The following DNAJC15 variants were observed in gnomAD, a reference collection of about 807,000 sequenced individuals.
DNAJC15 encodes the protein DnaJ heat shock protein family (Hsp40) member C15, also known as dnaJ homolog subfamily C member 15.
In DNAJC15, 27 loss-of-function variants were observed where a neutral mutation model predicts 22.4. The observed-to-expected ratio is 1.20, with a 90% CI of 0.89 to 1.66. DNAJC15 has a LOEUF of 1.66. Ranked by LOEUF, DNAJC15 falls within the 40% of genes most tolerant of loss-of-function variation. The probability of loss-of-function intolerance (pLI) is 0.00; values close to 1 mark genes in which losing one functional copy is unlikely to be tolerated. For missense variants in DNAJC15, 208 were observed against 187.1 expected, an observed-to-expected ratio of 1.11 and a Z score of -0.65; for synonymous variants, 79 against 63.2, an observed-to-expected ratio of 1.25 and a Z score of -1.19.
In DNAJC15 at chr13:43,107,175, C is replaced by CGAG. The variant is rs754879722; in HGVS notation, c.383-3_383-2insGAG. 2.6e-6 allele frequency: 4 copies of CGAG among 1,562,952 alleles called. No individual in the cohort carries two copies. In the African/African-American group the frequency reaches 5.6e-5, roughly 22 times the overall value. ...TTTAATTCATTTTTCTTTGTTCTCT[C>CGAG]AGGTGGATCTCCTTACGTAGCAGCC... On this transcript the variant is annotated splice_polypyrimidine_tract_variant and splice_region_variant and intron_variant, in intron 5 of 5. Coordinates refer to ENST00000379221, the MANE Select transcript of DNAJC15 (RefSeq NM_013238.3).
At chr13:43,082,859 T>TAC (rs397836348) in intron 4 of DNAJC15, among the ~76,000 whole-genome samples, 4 of 146,816 alleles carry the variant, frequency 2.7e-5, no homozygotes, top group Non-Finnish European at 3.0e-5. Flanking sequence ...TATATATATA[T>TAC]ACACACATAT....
At chr13:43,050,471 T>G (rs1034672963) in intron 1 of DNAJC15, among the ~76,000 whole-genome samples, 2 of 152,028 alleles carry the variant, frequency 1.3e-5, no homozygotes, top group African/African-American at 2.4e-5. Flanking sequence ...AACTTTTCTT[T>G]AGTAGAGACA....
At chr13:43,035,460 A>G (rs1352162965) in intron 1 of DNAJC15, among the ~76,000 whole-genome samples, 2 of 152,202 alleles carry the variant, frequency 1.3e-5, no homozygotes, top group African/African-American at 2.4e-5. Flanking sequence ...GAATTTAACA[A>G]TCACCACCAC....
intron 3 of DNAJC15, among the ~76,000 whole-genome samples, chr13:43,072,753 G>C (rs1355248072): frequency 6.6e-6 from 1 of 152,132 alleles, no homozygotes; most frequent in African/African-American, 2.4e-5. Flanking sequence ...TAGTGGAGAT[G>C]GAGTTTCACC....
intron 5 of DNAJC15, 71 bp downstream of exon 5, chr13:43,085,909 A>T: frequency 7.8e-7 from 1 of 1,278,694 alleles, no homozygotes; most frequent in Non-Finnish European, 1.1e-6. Context: ...GATTAAAGTC[A>T]TATATGATAT....
chr13:43,052,613 A>C (rs2153440309), intron 1 of DNAJC15, among the ~76,000 whole-genome samples: 1 of 152,180 alleles, frequency 6.6e-6, no homozygotes, highest in South Asian at 2.1e-4. Context: ...ACAGGGTTTC[A>C]CCATGTTGGC....
At chr13:43,079,246 C>A (rs191159030) in intron 4 of DNAJC15, among the ~76,000 whole-genome samples, 3 of 151,956 alleles carry the variant, frequency 2.0e-5, no homozygotes, top group African/African-American at 7.2e-5. Context: ...CCATATGTTC[C>A]CTTAGAGCCT....
At chr13:43,044,580 AG>A (rs2040467773) in intron 1 of DNAJC15, among the ~76,000 whole-genome samples, 1 of 152,168 alleles carries the variant, frequency 6.6e-6, no homozygotes, top group Non-Finnish European at 1.5e-5. Flanking sequence ...GACAACTAAA[AG>A]GTCCTTTTAG....
At chr13:43,101,756 C>CCATT (rs2040770198) in intron 5 of DNAJC15, among the ~76,000 whole-genome samples, 1 of 152,084 alleles carries the variant, frequency 6.6e-6, no homozygotes, top group Non-Finnish European at 1.5e-5. Context: ...GTTGCAAATG[C>CCATT]CATTATTTTA....
intron 2 of DNAJC15, among the ~76,000 whole-genome samples, chr13:43,066,252 T>C (rs1296490180): frequency 6.6e-6 from 1 of 152,024 alleles, no homozygotes; most frequent in Non-Finnish European, 1.5e-5. Context: ...AATAGTTCTT[T>C]TTTTTTTCTT....
At chr13:43,036,807 G>A (rs991155271) in intron 1 of DNAJC15, among the ~76,000 whole-genome samples, 1 of 152,268 alleles carries the variant, frequency 6.6e-6, no homozygotes, top group Non-Finnish European at 1.5e-5. Flanking sequence ...GTGGCAGGGG[G>A]CTGGCATGTC....
At chr13:43,037,069 C>G (rs1437778314) in intron 1 of DNAJC15, among the ~76,000 whole-genome samples, 7 of 152,222 alleles carry the variant, frequency 4.6e-5, no homozygotes. Flanking sequence ...TGCCTGTTCC[C>G]AGCTCCCGGC....
chr13:43,044,607 A>G (rs1435568287), intron 1 of DNAJC15, among the ~76,000 whole-genome samples: 3 of 152,098 alleles, frequency 2.0e-5, no homozygotes, highest in African/African-American at 4.8e-5. Flanking sequence ...TTTGGTTGCA[A>G]AGACTTTATT....
chr13:43,051,017 C>T (rs1235266888), intron 1 of DNAJC15, among the ~76,000 whole-genome samples: 1 of 152,116 alleles, frequency 6.6e-6, no homozygotes, highest in African/African-American at 2.4e-5. Context: ...TGTTGCCGCC[C>T]AGGCTGGAGT....
intron 1 of DNAJC15, among the ~76,000 whole-genome samples, chr13:43,062,516 T>C (rs973919557): frequency 6.6e-6 from 1 of 152,124 alleles, no homozygotes; most frequent in African/African-American, 2.4e-5. Flanking sequence ...TCAATACTTA[T>C]TTGTTGAATT....
intron 1 of DNAJC15, among the ~76,000 whole-genome samples, chr13:43,025,831 G>T (rs573425431): frequency 5.5e-4 from 84 of 152,298 alleles, no homozygotes; most frequent in Non-Finnish European, 9.4e-4. Flanking sequence ...TTGAACCCAG[G>T]GGGCAGAGGT....
chr13:43,044,427 G>GT (rs1467685694), intron 1 of DNAJC15, among the ~76,000 whole-genome samples: 1 of 152,152 alleles, frequency 6.6e-6, no homozygotes, highest in Admixed American at 6.5e-5. Context: ...TTGTTAGAAA[G>GT]TAAGTCCAAA....
At chr13:43,102,056 G>T (rs2040771916) in intron 5 of DNAJC15, among the ~76,000 whole-genome samples, 1 of 152,156 alleles carries the variant, frequency 6.6e-6, no homozygotes, top group African/African-American at 2.4e-5. Context: ...CAGTGTATCA[G>T]TGTTCCCTTT....
At chr13:43,098,066 GAA>G (rs1363700105) in intron 5 of DNAJC15, among the ~76,000 whole-genome samples, 3 of 93,212 alleles carry the variant, frequency 3.2e-5, no homozygotes, top group African/African-American at 1.1e-4. Context: ...TAGAGAAAAA[GAA>G]AATTTGCTAT....
Sources: gnomAD v4.1 joint callset for allele counts (sites outside exome capture counted in the v4.1 genomes callset) on GRCh38, gnomAD v4.1.1 for gene constraint, MANE v1.5 for transcripts, NCBI Gene and HGNC (gene_info 2026-07-23, HGNC 2026-07-21) for gene names.